ZNF704: variants seen among roughly 807,000 people sequenced by gnomAD.
The protein encoded by ZNF704 is zinc finger protein 704.
A neutral mutation model predicts 44.7 loss-of-function variants in ZNF704; 10 were observed. The observed-to-expected ratio is 0.22, with a 90% CI of 0.14 to 0.38. The LOEUF (loss-of-function observed/expected upper bound fraction) is 0.38, where lower values mean the gene tolerates loss of function less well. ZNF704 is among the 10% of genes least tolerant of loss of function. ZNF704 has a pLI of 1.00. For missense variants in ZNF704, 390 were observed against 545.5 expected (o/e 0.71, Z 2.84); for synonymous variants, 211 against 207.6 (o/e 1.02, Z -0.14).
intron 3 of ZNF704, among the ~76,000 whole-genome samples, chr8:80,690,144 C>A (rs547776952): frequency 6.6e-6 from 1 of 151,524 alleles, no homozygotes; most frequent in East Asian, 1.9e-4. Context: ...TGAGAGACAG[C>A]AGACAATTTG....
rs764756934 is a variant in ZNF704, at chr8:80,630,445, T to C, written c.*10921A>G. On this transcript the variant is annotated 3_prime_UTR_variant, in exon 9 of 9. Coordinates refer to ENST00000327835, the MANE Select transcript of ZNF704 (RefSeq NM_001033723.3). ...ACTAAAAAGCAATGTTTTCTACTGATTGCATTTCCACTAAATACCCCATTT... is the reference window on the plus strand; with the variant it reads ...ACTAAAAAGCAATGTTTTCTACTGACTGCATTTCCACTAAATACCCCATTT... The C allele has an allele frequency of 7.2e-5, 11 of 152,254 alleles. No homozygotes were observed. Among genetic ancestry groups the C allele is most frequent in the African/African-American group, 2.2e-4 (9 of 41,472 alleles). The allele number at this position is 152,254 out of a possible 1,614,324, so 9.4% of individuals were successfully genotyped here. A position where few individuals can be genotyped will look rare whatever the true frequency, so the allele number is the denominator to read the frequency against.
chr8:80,642,498 G>A (rs917612153), intron 8 of ZNF704, among the ~76,000 whole-genome samples: 4 of 152,154 alleles, frequency 2.6e-5, no homozygotes, highest in Non-Finnish European at 4.4e-5. Flanking sequence ...TCGCAGGCAG[G>A]ACTGAGCTGG....
intron 2 of ZNF704, among the ~76,000 whole-genome samples, chr8:80,791,192 G>A (rs1370213254): frequency 2.6e-5 from 4 of 152,126 alleles, no homozygotes; most frequent in Non-Finnish European, 4.4e-5. Context: ...AATGTAAAAG[G>A]ATATTTTCCA....
intron 2 of ZNF704, among the ~76,000 whole-genome samples, chr8:80,814,778 T>C (rs1299455178): frequency 1.3e-5 from 2 of 152,180 alleles, no homozygotes; most frequent in East Asian, 1.9e-4. Context: ...CTCATACTGG[T>C]TACAGAGTTT....
chr8:80,797,816 C>T (rs981740690), intron 2 of ZNF704, among the ~76,000 whole-genome samples: 1 of 151,814 alleles, frequency 6.6e-6, no homozygotes, highest in Non-Finnish European at 1.5e-5. Context: ...GTAAAGGTCA[C>T]TGAAAAAAAA....
At chr8:80,782,894 G>A (rs1285931252) in intron 2 of ZNF704, among the ~76,000 whole-genome samples, 2 of 151,928 alleles carry the variant, frequency 1.3e-5, no homozygotes, top group East Asian at 1.9e-4. Context: ...GTGTTTGGTT[G>A]TGGACATGGA....
intron 4 of ZNF704, among the ~76,000 whole-genome samples, chr8:80,683,055 T>C (rs1818478653): frequency 6.6e-6 from 1 of 152,188 alleles, no homozygotes; most frequent in African/African-American, 2.4e-5. Flanking sequence ...CTCTTTGGCC[T>C]TCCATAGAAT....
chr8:80,803,258 T>C (rs1470421604), intron 2 of ZNF704, among the ~76,000 whole-genome samples: 2 of 152,238 alleles, frequency 1.3e-5, no homozygotes, highest in Non-Finnish European at 2.9e-5. Flanking sequence ...ATGGTCATAC[T>C]GCCCAGAGTA....
intron 1 of ZNF704, among the ~76,000 whole-genome samples, chr8:80,821,816 A>C (rs1808276261): frequency 6.6e-6 from 1 of 152,226 alleles, no homozygotes; most frequent in South Asian, 2.1e-4. Flanking sequence ...TAATAATGCA[A>C]ATAAGAAACA....
chr8:80,748,912 CCT>C (rs1806893921), intron 2 of ZNF704, among the ~76,000 whole-genome samples: 3 of 152,032 alleles, frequency 2.0e-5, no homozygotes, highest in African/African-American at 7.3e-5. Flanking sequence ...CCATTCAAAC[CCT>C]GGTTCATTTA....
rs1022640069 is a variant in ZNF704, at chr8:80,641,119, T to C, written c.*247A>G. The C allele has an allele frequency of 1.3e-4, 39 of 300,544 alleles. No individual in the cohort carries two copies. Among genetic ancestry groups the C allele is most frequent in the Non-Finnish European group, 2.1e-4 (34 of 164,186 alleles). 18.6% of individuals were successfully genotyped at this position (300,544 alleles called of 1,614,324 possible). ...CAGCAAAAAAAGTTGACTTTTCTTT[T>C]GAAGGAAAAAAAACTAGTTATAGCT... On this transcript the variant is annotated 3_prime_UTR_variant, in exon 9 of 9. Transcript: ENST00000327835.
intron 1 of ZNF704, among the ~76,000 whole-genome samples, chr8:80,853,826 G>A (rs1586076878): frequency 6.6e-6 from 1 of 152,118 alleles, no homozygotes; most frequent in Non-Finnish European, 1.5e-5. Context: ...GAAGCAATGG[G>A]TGTTTTCTGG....
upstream of ZNF704, among the ~76,000 whole-genome samples, chr8:80,876,664 G>A (rs1809360086): frequency 6.6e-6 from 1 of 152,150 alleles, no homozygotes; most frequent in African/African-American, 2.4e-5. Flanking sequence ...CTGTGAAATG[G>A]GGATCATAGT....
At chr8:80,725,104 G>A (rs1806454940) in intron 2 of ZNF704, among the ~76,000 whole-genome samples, 1 of 152,152 alleles carries the variant, frequency 6.6e-6, no homozygotes, top group Admixed American at 6.6e-5. Context: ...GTTACAAAGT[G>A]GTAGGGAGAC....
chr8:80,702,797 G>T (rs1818833089), intron 2 of ZNF704, among the ~76,000 whole-genome samples: 1 of 152,086 alleles, frequency 6.6e-6, no homozygotes, highest in Non-Finnish European at 1.5e-5. Flanking sequence ...TGGGAGTAGA[G>T]GGCAGAGGCA....
At chr8:80,849,497 T>C (rs1808822609) in intron 1 of ZNF704, among the ~76,000 whole-genome samples, 1 of 152,216 alleles carries the variant, frequency 6.6e-6, no homozygotes, top group Non-Finnish European at 1.5e-5. Context: ...GTGGAATTTA[T>C]TTCCCACAGA....
At chr8:80,645,134 G>A (rs1264686599) in intron 7 of ZNF704, 35 of 1,607,732 alleles carry the variant, frequency 2.2e-5, no homozygotes, top group East Asian at 8.9e-5. Context: ...ACTCCTCGTC[G>A]TCGTATTTGT....
At chr8:80,867,190 C>T (rs535790996) in intron 1 of ZNF704, among the ~76,000 whole-genome samples, 2 of 152,292 alleles carry the variant, frequency 1.3e-5, no homozygotes, top group South Asian at 4.2e-4. Flanking sequence ...CCTTGGAAAG[C>T]TCACAGGGAG....
intron 2 of ZNF704, chr8:80,776,862 T>C (rs534583740): frequency 3.9e-5 from 6 of 152,226 alleles, no homozygotes; most frequent in African/African-American, 4.8e-5. Flanking sequence ...GACACCCAAC[T>C]GATGTAGCGC....
Sources: gnomAD v4.1 joint callset for allele counts (sites outside exome capture counted in the v4.1 genomes callset) on GRCh38, gnomAD v4.1.1 for gene constraint, MANE v1.5 for transcripts, NCBI Gene and HGNC (gene_info 2026-07-23, HGNC 2026-07-21) for gene names.